Variants in MOSPD1 observed in about 807,000 individuals in gnomAD.
The protein encoded by MOSPD1 is motile sperm domain-containing protein 1.
In MOSPD1, 5 loss-of-function variants were observed where a neutral mutation model predicts 16.7. The ratio of observed to expected loss-of-function variants is 0.30; its 90% CI spans 0.16 to 0.63. The LOEUF (loss-of-function observed/expected upper bound fraction) is 0.63. MOSPD1 is among the 30% of genes least tolerant of loss of function. The pLI, the probability that MOSPD1 is intolerant of heterozygous loss-of-function variation, is 0.82. For synonymous variants in MOSPD1, 67 were observed against 59.2 expected (o/e 1.13, Z -0.61); for missense variants, 104 against 153.6 (o/e 0.68, Z 1.71).
intron 1 of MOSPD1, among the ~76,000 whole-genome samples, chrX:134,908,918 CT>C (rs1480257754): frequency 8.9e-6 from 1 of 112,243 alleles, no homozygotes; most frequent in Non-Finnish European, 1.9e-5. Context: ...TTAAGGAGCA[CT>C]GAAACCACTT....
At chrX:134,890,526 C>T (rs1025298271) in intron 5 of MOSPD1, among the ~76,000 whole-genome samples, 2 of 110,432 alleles carry the variant, frequency 1.8e-5, no homozygotes, top group Admixed American at 9.7e-5. Flanking sequence ...AAAGAGAGAG[C>T]GGCCAGGTGT....
chrX:134,900,397 A>G (rs1382026731), intron 1 of MOSPD1, among the ~76,000 whole-genome samples: 1 of 111,913 alleles, frequency 8.9e-6, no homozygotes, highest in Non-Finnish European at 1.9e-5. Flanking sequence ...TCTTTTTTCT[A>G]CTGAAACCAG....
chrX:134,903,581 G>A (rs1242279443), intron 1 of MOSPD1, among the ~76,000 whole-genome samples: 2 of 107,979 alleles, frequency 1.9e-5, no homozygotes, highest in Non-Finnish European at 3.8e-5. Flanking sequence ...GCGTGGTGGC[G>A]TGTGCCTGTA....
At chrX:134,892,155 AT>A (rs1472966214) in intron 4 of MOSPD1, among the ~76,000 whole-genome samples, 1 of 111,762 alleles carries the variant, frequency 8.9e-6, no homozygotes, top group Non-Finnish European at 1.9e-5. Context: ...TTATGAGAAT[AT>A]TTTAAGGAGC....
At chrX:134,891,800 T>C (rs1353449171) in intron 4 of MOSPD1, among the ~76,000 whole-genome samples, 160 bp from the exon 5 acceptor site, 1 of 111,916 alleles carries the variant, frequency 8.9e-6, no homozygotes, top group Non-Finnish European at 1.9e-5. Flanking sequence ...GCTGGGCTGA[T>C]GTGGAAGCCC....
At position 134,889,837 on chromosome X, in the gene MOSPD1, G is replaced by A. The variant is rs750701025; in HGVS notation, c.611-645C>T. 9.9e-5 allele frequency among the ~76,000 whole-genome samples: 11 copies of A among 111,004 alleles called. No individual in the cohort carries two copies. The Admixed American group carries it at 1.1e-3, about 11-fold the overall frequency. ...TGTAATGCCAGCACTTTGGGAGGCC[G>A]GGGCAGGTGGATCACACGAGGTCAG... On this transcript the variant is annotated intron_variant, in intron 5 of 5. Transcript: ENST00000370783.
chrX:134,913,028 CAGG>C (rs1411530451), intron 1 of MOSPD1, among the ~76,000 whole-genome samples: 1 of 110,739 alleles, frequency 9.0e-6, no homozygotes, highest in African/African-American at 3.3e-5. Flanking sequence ...CACCTGAGGT[CAGG>C]AGTTCGAGAC....
chrX:134,891,750 C>T, intron 4 of MOSPD1, 110 bp from the exon 5 acceptor site: 2 of 754,765 alleles, frequency 2.6e-6, no homozygotes, highest in South Asian at 5.3e-5. Flanking sequence ...CTAACTTCTC[C>T]AATTGTTTCC....
chrX:134,897,431 C>T (rs987283782), intron 3 of MOSPD1, among the ~76,000 whole-genome samples: 3 of 106,885 alleles, frequency 2.8e-5, no homozygotes, highest in Non-Finnish European at 1.9e-5. Context: ...TGCTGGTGTG[C>T]GTGTAGTCCT....
Position 134,891,678 on chromosome X carries a change from A to C in MOSPD1, c.449-38T>G, listed in dbSNP as rs187109588. The C allele has an allele frequency of 1.3e-4, 148 of 1,182,226 alleles. No homozygotes were observed. The African/African-American group carries it at 2.4e-3, about 19-fold the overall frequency. ...AAAAATCCCTAAGCTTCCTTCTAAA[A>C]ACTTTAAGACAAAAGTTCCTTCACA... is the stretch of plus-strand genomic sequence containing the variant. On this transcript the variant is annotated intron_variant, in intron 4 of 5. Coordinates refer to ENST00000370783, the MANE Select transcript of MOSPD1 (RefSeq NM_019556.3).
At position 134,905,515 on chromosome X, in the gene MOSPD1, CT is replaced by C. The variant is rs978798725; in HGVS notation, c.-101-5982del. ...TTTTTCTCTGGATATCCTTTTGTAT[CT>C]TTTGAATTCTGAAGTCTTTGAATAC... is the stretch of plus-strand genomic sequence containing the variant. On this transcript the variant is annotated intron_variant, in intron 1 of 5. Coordinates refer to ENST00000370783, the MANE Select transcript of MOSPD1 (RefSeq NM_019556.3). Among the ~76,000 whole-genome samples the C allele has an allele frequency of 2.8e-5, 3 of 108,302 alleles. No individual in the cohort carries two copies. In the East Asian group the frequency reaches 8.7e-4, roughly 31 times the overall value. 94.0% of individuals were successfully genotyped at this position (108,302 alleles called of 115,157 possible). A position where few individuals can be genotyped will look rare whatever the true frequency, so the allele number is the denominator to read the frequency against.
At chrX:134,907,011 C>T (rs1300908694) in intron 1 of MOSPD1, among the ~76,000 whole-genome samples, 6 of 111,080 alleles carry the variant, frequency 5.4e-5, no homozygotes, top group Non-Finnish European at 9.4e-5. Context: ...GGCAGATCAC[C>T]TGAGGTCAAG....
At chrX:134,900,169 G>A (rs1029172824) in intron 1 of MOSPD1, among the ~76,000 whole-genome samples, 4 of 112,069 alleles carry the variant, frequency 3.6e-5, no homozygotes, top group East Asian at 5.5e-4. Context: ...AAGGGATATC[G>A]CTCTTTTTAA....
chrX:134,896,895 GT>G lies in MOSPD1; in HGVS notation c.369del (p.Glu123AspfsTer11). ...CTTTTTTCCTCTTCTTCCTTTTGTT[GT>G]TCTTTTGCTGATGGGAGAAGAGTAG... ...VVATLLPSAK[E>X]QQKEEEEKRL... On this transcript the variant is annotated frameshift_variant, in exon 4 of 6. Transcript: ENST00000370783. LOFTEE classifies it high-confidence loss of function. 8.3e-7 allele frequency: 1 copy of G among 1,209,808 alleles called. No homozygotes were observed. Among genetic ancestry groups the G allele is most frequent in the Non-Finnish European group, 1.1e-6 (1 of 894,153 alleles).
At chrX:134,906,956 C>T (rs955629350) in intron 1 of MOSPD1, among the ~76,000 whole-genome samples, 18 of 111,653 alleles carry the variant, frequency 1.6e-4, no homozygotes, top group African/African-American at 5.5e-4. Context: ...CGGCCTGGCA[C>T]GGTGGCTCAC....
chrX:134,897,495 T>G (rs1365358394), intron 3 of MOSPD1, among the ~76,000 whole-genome samples: 1 of 100,350 alleles, frequency 1.0e-5, no homozygotes, highest in Non-Finnish European at 2.0e-5. Flanking sequence ...AGGTTGAGGC[T>G]GCACTAAGCT....
intron 5 of MOSPD1, among the ~76,000 whole-genome samples, chrX:134,890,722 A>C (rs6638295): frequency 0.35 from 38,713 of 109,843 alleles, 5,083 homozygotes; most frequent in East Asian, 0.48. Flanking sequence ...GCAGGAGAAT[A>C]GCTTGAACCT....
intron 1 of MOSPD1, 72 bp from the exon 2 acceptor site, chrX:134,899,606 A>G: frequency 2.3e-6 from 1 of 435,492 alleles, no homozygotes. Context: ...GCCCCTACAC[A>G]AAAAGTATAT....
At chrX:134,891,990 A>T (rs2082865111) in intron 4 of MOSPD1, among the ~76,000 whole-genome samples, 2 of 112,415 alleles carry the variant, frequency 1.8e-5, no homozygotes. Flanking sequence ...CAAGTTCTGT[A>T]CTGTGTTATG....
Sources: gnomAD v4.1 joint callset for allele counts (sites outside exome capture counted in the v4.1 genomes callset) on GRCh38, gnomAD v4.1.1 for gene constraint, MANE v1.5 for transcripts, NCBI Gene and HGNC (gene_info 2026-07-23, HGNC 2026-07-21) for gene names.